Variants in IQSEC3 observed in about 807,000 individuals in gnomAD.
IQSEC3 encodes the protein IQ motif and Sec7 domain ArfGEF 3.
In IQSEC3, 50 loss-of-function variants were observed where a neutral mutation model predicts 105.4. The observed-to-expected ratio is 0.47, with a 90% CI of 0.38 to 0.60. The LOEUF is 0.60. Among genes scored for constraint, IQSEC3 ranks in the 20% least tolerant of loss-of-function variants. The probability of loss-of-function intolerance (pLI) is 0.00; values close to 1 mark genes in which losing one functional copy is unlikely to be tolerated. For synonymous variants in IQSEC3, 708 were observed against 746.0 expected, an observed-to-expected ratio of 0.95 and a Z score of 0.83; for missense variants, 1,415 against 1,630.0, an observed-to-expected ratio of 0.87 and a Z score of 2.27.
chr12:166,206 AGGCCCATGG>A, intron 11 of IQSEC3: 1 of 358,516 alleles, frequency 2.8e-6, no homozygotes. Flanking sequence ...CTGGCCAGGC[AGGCCCATGG>A]GGCTCTGGTG....
intron 2 of IQSEC3, among the ~76,000 whole-genome samples, chr12:105,272 G>C (rs1271401899): frequency 2.0e-5 from 3 of 152,246 alleles, no homozygotes; most frequent in African/African-American, 7.2e-5. Flanking sequence ...GGTTGGGATG[G>C]GGTGAAAATC....
chr12:165,332 C>A, intron 9 of IQSEC3, 102 bp from the exon 10 acceptor site: 1 of 826,006 alleles, frequency 1.2e-6, no homozygotes, highest in Non-Finnish European at 2.1e-6. Flanking sequence ...ACATTCATCA[C>A]TGCGTGGGTT....
intron 7 of IQSEC3, among the ~76,000 whole-genome samples, chr12:159,562 G>C (rs1291351357): frequency 6.6e-6 from 1 of 152,232 alleles, no homozygotes; most frequent in Non-Finnish European, 1.5e-5. Context: ...AGGCATTGCT[G>C]CTGCATTGTC....
At chr12:113,047 G>A (rs1555079901) in intron 2 of IQSEC3, among the ~76,000 whole-genome samples, 1 of 152,082 alleles carries the variant, frequency 6.6e-6, no homozygotes, top group Non-Finnish European at 1.5e-5. Context: ...TGGGCAGTGC[G>A]GCCTGGACAC....
Position 130,970 on chromosome 12 carries a change from C to T in IQSEC3, c.903+5058C>T, listed in dbSNP as rs149540447. Reference sequence around the variant, plus strand: ...GATGGGAACAAACCCTTGGAAGCCCCCCACACCTCCCCGCGATCCTCAGCA... The same window carrying T: ...GATGGGAACAAACCCTTGGAAGCCCTCCACACCTCCCCGCGATCCTCAGCA... On this transcript the variant is annotated intron_variant, in intron 3 of 13. Coordinates refer to ENST00000538872, the MANE Select transcript of IQSEC3 (RefSeq NM_001170738.2). 8.0e-4 allele frequency among the ~76,000 whole-genome samples: 121 copies of T among 150,734 alleles called. 1 individual carries two copies. The East Asian group carries it at 0.022, about 27-fold the overall frequency.
chr12:117,488 AG>A lies in IQSEC3; in HGVS notation c.624-8143del, dbSNP rs545051798. Among the ~76,000 whole-genome samples, 8 of 152,348 alleles carry A rather than the reference AG, an allele frequency of 5.3e-5. 1 individual carries two copies. In the South Asian group the frequency reaches 1.7e-3, roughly 32 times the overall value. On this transcript the variant is annotated intron_variant, in intron 2 of 13. Transcript: ENST00000538872. ...TGAGGAGGCCTGAGGAAGCTTCCAG[AG>A]GAGGCCTTCCTGTGGGATGGGCTGA... is the stretch of plus-strand genomic sequence containing the variant.
chr12:73,389 G>T (rs1863402223), intron 1 of IQSEC3, among the ~76,000 whole-genome samples: 1 of 152,210 alleles, frequency 6.6e-6, no homozygotes, highest in Admixed American at 6.5e-5. Flanking sequence ...TACTGTTTGG[G>T]GTACATAGTA....
At chr12:73,218 C>A (rs1863395358) in intron 1 of IQSEC3, among the ~76,000 whole-genome samples, 1 of 152,124 alleles carries the variant, frequency 6.6e-6, no homozygotes, top group Admixed American at 6.5e-5. Context: ...GGGCTTTGGG[C>A]AAGCACGCCT....
intron 2 of IQSEC3, among the ~76,000 whole-genome samples, chr12:109,412 G>A (rs1410274668): frequency 6.6e-6 from 1 of 152,174 alleles, no homozygotes; most frequent in African/African-American, 2.4e-5. Context: ...CCTCTCTGCA[G>A]CCTTACTGAC....
chr12:169,403 T>C (rs1285319447), intron 12 of IQSEC3, among the ~76,000 whole-genome samples: 1 of 152,188 alleles, frequency 6.6e-6, no homozygotes, highest in African/African-American at 2.4e-5. Context: ...TCCTGGCCCC[T>C]GCAGGGAGGC....
rs549011155 is a variant in IQSEC3 at position 75,653 on chromosome 12, G to A, written c.554+8217G>A. Among the ~76,000 whole-genome samples, 176 of 152,350 alleles carry A rather than the reference G, an allele frequency of 1.2e-3. 1 individual carries two copies. The South Asian group carries it at 0.015, about 13-fold the overall frequency. On this transcript the variant is annotated intron_variant, in intron 1 of 13. Transcript: ENST00000538872. ...CAGGCAGCAGAGGTTGGTGTCGCAC[G>A]AGCCTGAAGGGGATGGGAGATGAGA...
At chr12:71,505 T>C (rs1402416137) in intron 1 of IQSEC3, among the ~76,000 whole-genome samples, 1 of 152,276 alleles carries the variant, frequency 6.6e-6, no homozygotes, top group Non-Finnish European at 1.5e-5. Flanking sequence ...ATACAAATTA[T>C]GTTAACAGCC....
Position 164,049 on chromosome 12 carries a change from T to C in IQSEC3, c.2709+430T>C, listed in dbSNP as rs186696962. Among the ~76,000 whole-genome samples the C allele has an allele frequency of 5.6e-3, 855 of 152,298 alleles. 7 individuals carry two copies. The highest frequency in any genetic ancestry group is 0.019 in the African/African-American group (798 of 41,550). On this transcript the variant is annotated intron_variant, in intron 9 of 13. Transcript: ENST00000538872. ...GTGTGTGTGTGTGCGTGCACACACA[T>C]ACACACATCTGTACCCACAGATACT...
At chr12:99,283 ACTG>A in intron 2 of IQSEC3, 69 bp downstream of exon 2, 2 of 1,410,820 alleles carry the variant, frequency 1.4e-6, no homozygotes, top group Non-Finnish European at 1.9e-6. Context: ...AGCACGTACC[ACTG>A]CACTAGCTAT....
At chr12:171,385 C>T (rs1565454206) in intron 13 of IQSEC3, 2 of 1,484,524 alleles carry the variant, frequency 1.3e-6, no homozygotes, top group Non-Finnish European at 1.9e-6. Context: ...CTTTCCCCAG[C>T]CTGCTGCCCT....
intron 7 of IQSEC3, 91 bp downstream of exon 7, chr12:157,785 C>A: frequency 7.3e-7 from 1 of 1,369,270 alleles, no homozygotes. Flanking sequence ...GAGCCCCTAT[C>A]ACAGATGGTC....
intron 3 of IQSEC3, among the ~76,000 whole-genome samples, chr12:127,519 A>G (rs1379097203): frequency 6.6e-6 from 1 of 152,100 alleles, no homozygotes; most frequent in Non-Finnish European, 1.5e-5. Flanking sequence ...CTGTCTCAAA[A>G]CAAAACAAAA....
At chr12:149,754 G>A (rs1018765842) in intron 5 of IQSEC3, among the ~76,000 whole-genome samples, 1 of 152,180 alleles carries the variant, frequency 6.6e-6, no homozygotes, top group Non-Finnish European at 1.5e-5. Context: ...GAGAGGATGA[G>A]AGCTAAACAG....
At chr12:78,505 C>CAA (rs372881150) in intron 1 of IQSEC3, among the ~76,000 whole-genome samples, 7,336 of 138,304 alleles carry the variant, frequency 0.053, 535 homozygotes, top group African/African-American at 0.17. Context: ...GACACCTCAG[C>CAA]AAAAAAAAAA....
Sources: allele counts gnomAD v4.1 joint callset (sites outside exome capture counted in the v4.1 genomes callset), GRCh38; gene constraint gnomAD v4.1.1; transcripts MANE v1.5; gene names NCBI Gene and HGNC (gene_info 2026-07-23, HGNC 2026-07-21).